ATP11B: variants seen among roughly 807,000 people sequenced by gnomAD.
ATP11B encodes the protein phospholipid-transporting ATPase IF.
In ATP11B, 81 loss-of-function variants were observed where a neutral mutation model predicts 157.8. The observed-to-expected ratio is 0.51, with a 90% confidence interval of 0.43 to 0.62. ATP11B has a LOEUF of 0.62. ATP11B is among the 20% of genes least tolerant of loss of function. ATP11B has a pLI of 0.00. For synonymous variants in ATP11B, 451 were observed against 469.4 expected, an observed-to-expected ratio of 0.96 and a Z score of 0.51; for missense variants, 1,165 against 1,402.2, an observed-to-expected ratio of 0.83 and a Z score of 2.70.
At chr3:182,830,339 AT>A (rs1463684134) in intron 4 of ATP11B, among the ~76,000 whole-genome samples, 10 of 151,752 alleles carry the variant, frequency 6.6e-5, no homozygotes, top group East Asian at 3.9e-4. Flanking sequence ...AAAAAAAAAA[AT>A]GTATAGTCCT....
intron 28 of ATP11B, among the ~76,000 whole-genome samples, chr3:182,910,067 C>T (rs1262247404): frequency 9.1e-6 from 1 of 110,424 alleles, no homozygotes; most frequent in African/African-American, 3.9e-5. Context: ...TGAGACTCGG[C>T]CTCCAGAAAA....
At position 182,837,180 on chromosome 3, in the gene ATP11B, G is replaced by C; in HGVS notation, c.656+6G>C. ...CCAGAAGCAGACTTATACAGGTATG[G>C]TGTGATATTCAGTATACTTATTTTA... On this transcript the variant is annotated splice_donor_region_variant and intron_variant, in intron 7 of 29. Coordinates refer to ENST00000323116, the MANE Select transcript of ATP11B (RefSeq NM_014616.3). The C allele has an allele frequency of 6.4e-7, 1 of 1,572,962 alleles. No individual in the cohort carries two copies. The highest frequency in any genetic ancestry group is 8.7e-7 in the Non-Finnish European group (1 of 1,144,388).
At chr3:182,795,954 A>T (rs977438672) in intron 1 of ATP11B, among the ~76,000 whole-genome samples, 1 of 152,228 alleles carries the variant, frequency 6.6e-6, no homozygotes, top group Non-Finnish European at 1.5e-5. Flanking sequence ...AATCCTAAGG[A>T]CAGGTTGGAG....
At chr3:182,913,564 T>G (rs1238280834) in intron 28 of ATP11B, among the ~76,000 whole-genome samples, 2 of 152,206 alleles carry the variant, frequency 1.3e-5, no homozygotes, top group African/African-American at 4.8e-5. Context: ...ATGGAAATCA[T>G]TTTGACCATA....
intron 21 of ATP11B, among the ~76,000 whole-genome samples, chr3:182,881,386 G>T (rs1038601048): frequency 1.3e-5 from 2 of 151,502 alleles, no homozygotes; most frequent in African/African-American, 4.9e-5. Context: ...GTGAGCCGAG[G>T]CTGAGGCAGG....
At chr3:182,794,053 C>A (rs994665175) in intron 1 of ATP11B, among the ~76,000 whole-genome samples, 1 of 151,750 alleles carries the variant, frequency 6.6e-6, no homozygotes, top group African/African-American at 2.4e-5. Flanking sequence ...GTTACTTCTT[C>A]CCCCTTGCCG....
chr3:182,896,975 T>C (rs1271933627), intron 26 of ATP11B, among the ~76,000 whole-genome samples: 3 of 152,172 alleles, frequency 2.0e-5, no homozygotes, highest in African/African-American at 7.2e-5. Flanking sequence ...ATATTTATGA[T>C]CACATTTTTA....
At chr3:182,844,435 C>A in intron 8 of ATP11B, 2 of 384,914 alleles carry the variant, frequency 5.2e-6, no homozygotes, top group Non-Finnish European at 7.1e-6. Context: ...TAAGGAATAG[C>A]AACAAAATAA....
intron 1 of ATP11B, among the ~76,000 whole-genome samples, chr3:182,816,265 C>T (rs982982904): frequency 6.6e-6 from 1 of 152,108 alleles, no homozygotes; most frequent in Non-Finnish European, 1.5e-5. Flanking sequence ...TAACATAAAG[C>T]CAGGGTGGCT....
intron 9 of ATP11B, among the ~76,000 whole-genome samples, chr3:182,847,273 A>C (rs976222209): frequency 7.2e-5 from 11 of 152,120 alleles, no homozygotes; most frequent in African/African-American, 2.7e-4. Context: ...TCCTGACCTC[A>C]AGTGATCCAC....
At chr3:182,865,233 C>T (rs1721141378) in intron 12 of ATP11B, among the ~76,000 whole-genome samples, 1 of 152,180 alleles carries the variant, frequency 6.6e-6, no homozygotes. Context: ...ATGCCACAAA[C>T]TTCAAAATCT....
chr3:182,823,250 C>T (rs1486197608), intron 2 of ATP11B, among the ~76,000 whole-genome samples: 5 of 152,192 alleles, frequency 3.3e-5, no homozygotes, highest in Non-Finnish European at 5.9e-5. Context: ...GGTTTTAGGT[C>T]TGACATTTAA....
chr3:182,800,875 C>A (rs1715961742), intron 1 of ATP11B, among the ~76,000 whole-genome samples: 2 of 144,764 alleles, frequency 1.4e-5, no homozygotes, highest in Admixed American at 6.9e-5. Context: ...CCGCCCCCCA[C>A]CCCCCCCAGC....
chr3:182,881,217 C>T lies in ATP11B; in HGVS notation c.2509+236C>T, dbSNP rs533894091. On this transcript the variant is annotated intron_variant, in intron 21 of 29. Transcript: ENST00000323116. ...TTGGGGGGTTGAGGCAGGCAGATCA[C>T]GAGGTCAGAAGTTCGAGACCAACCT... Among the ~76,000 whole-genome samples, 92 of 152,260 alleles carry T rather than the reference C, an allele frequency of 6.0e-4. 2 individuals carry two copies. Among genetic ancestry groups the T allele is most frequent in the Middle Eastern group, 6.8e-3 (2 of 294 alleles).
chr3:182,877,303 C>T (rs766844160), intron 19 of ATP11B, among the ~76,000 whole-genome samples: 1 of 152,154 alleles, frequency 6.6e-6, no homozygotes, highest in Non-Finnish European at 1.5e-5. Context: ...GAAATGTTCA[C>T]TGGACAGAGA....
At chr3:182,914,200 C>T in intron 29 of ATP11B, 1 of 1,382,824 alleles carries the variant, frequency 7.2e-7, no homozygotes, top group Non-Finnish European at 9.3e-7. Context: ...GAAGAGAAAG[C>T]ACCTTTGAAG....
At chr3:182,798,267 C>T (rs1715757144) in intron 1 of ATP11B, among the ~76,000 whole-genome samples, 1 of 152,188 alleles carries the variant, frequency 6.6e-6, no homozygotes, top group Admixed American at 6.5e-5. Flanking sequence ...ACACTCAAGA[C>T]AGCAGTTGGC....
chr3:182,851,618 A>G (rs1719984950), intron 10 of ATP11B, among the ~76,000 whole-genome samples: 2 of 152,236 alleles, frequency 1.3e-5, no homozygotes, highest in Admixed American at 6.5e-5. Flanking sequence ...AAAGATGCAT[A>G]TTCTGACCTC....
intron 28 of ATP11B, among the ~76,000 whole-genome samples, chr3:182,911,188 C>T (rs1724755528): frequency 6.6e-6 from 1 of 151,628 alleles, no homozygotes; most frequent in Non-Finnish European, 1.5e-5. Context: ...GGAATACACA[C>T]CACACTGCTG....
Sources: allele counts gnomAD v4.1 joint callset (sites outside exome capture counted in the v4.1 genomes callset), GRCh38; gene constraint gnomAD v4.1.1; transcripts MANE v1.5; gene names NCBI Gene and HGNC (gene_info 2026-07-23, HGNC 2026-07-21).